CTNNA3: variants seen among roughly 807,000 people sequenced by gnomAD.
CTNNA3 encodes the protein catenin alpha-3.
A neutral mutation model predicts 95.7 loss-of-function variants in CTNNA3; 76 were observed. The ratio of observed to expected loss-of-function variants is 0.79; its 90% CI spans 0.66 to 0.96. CTNNA3 has a LOEUF of 0.96. Ranked by LOEUF, CTNNA3 falls within the 40% of genes least tolerant of loss-of-function variation. CTNNA3 has a pLI of 0.00. For missense variants in CTNNA3, 1,191 were observed against 1,089.8 expected, an observed-to-expected ratio of 1.09 and a Z score of -1.31; for synonymous variants, 431 against 374.4, an observed-to-expected ratio of 1.15 and a Z score of -1.74.
Position 65,939,107 on chromosome 10 carries a change from G to A in CTNNA3, c.2401-18490C>T, listed in dbSNP as rs200295744. 6.9e-4 allele frequency among the ~76,000 whole-genome samples: 105 copies of A among 152,026 alleles called. 1 individual carries two copies. The highest frequency in any genetic ancestry group is 3.3e-3 in the East Asian group (17 of 5,110). On this transcript the variant is annotated intron_variant, in intron 17 of 17. Coordinates refer to ENST00000433211, the MANE Select transcript of CTNNA3 (RefSeq NM_013266.4). ...TTTGTAGTAGAGACGGGGTTTCATCGTGTTAGCCAGGATGGTCTCCATCTC... is the reference window on the plus strand; with the variant it reads ...TTTGTAGTAGAGACGGGGTTTCATCATGTTAGCCAGGATGGTCTCCATCTC...
At chr10:66,922,770 T>C (rs1416867568) in intron 7 of CTNNA3, among the ~76,000 whole-genome samples, 2 of 152,222 alleles carry the variant, frequency 1.3e-5, no homozygotes, top group African/African-American at 4.8e-5. Flanking sequence ...ATTTTTGTTG[T>C]AGCACATCAT....
At chr10:66,015,874 A>T (rs537593010) in intron 15 of CTNNA3, among the ~76,000 whole-genome samples, 1 of 152,308 alleles carries the variant, frequency 6.6e-6, no homozygotes, top group African/African-American at 2.4e-5. Context: ...GTTAGATATG[A>T]AATTATATGT....
intron 3 of CTNNA3, among the ~76,000 whole-genome samples, chr10:67,592,653 A>G (rs1225583206): frequency 6.6e-6 from 1 of 152,210 alleles, no homozygotes; most frequent in East Asian, 1.9e-4. Flanking sequence ...AAAGAAAAAA[A>G]GAACTGATTT....
Position 67,018,164 on chromosome 10 carries a change from TTGGTAG to T in CTNNA3, c.1047+162147_1047+162152del, listed in dbSNP as rs548206558. 1.1e-4 allele frequency among the ~76,000 whole-genome samples: 16 copies of T among 152,304 alleles called. No individual in the cohort carries two copies. In the East Asian group the frequency reaches 3.1e-3, roughly 29 times the overall value. ...TACAGTAGGGCCAAGACTTTGTATT[TTGGTAG>T]TGATTCACTCACTATAAATATGTAC... On this transcript the variant is annotated intron_variant, in intron 7 of 17. Transcript: ENST00000433211.
intron 2 of CTNNA3, among the ~76,000 whole-genome samples, chr10:67,614,606 C>T (rs1401965305): frequency 2.0e-5 from 3 of 152,136 alleles, no homozygotes; most frequent in Non-Finnish European, 2.9e-5. Flanking sequence ...GTAATGCAAG[C>T]GATGGGGGTT....
At chr10:66,383,593 G>A (rs1459611079) in intron 11 of CTNNA3, among the ~76,000 whole-genome samples, 3 of 152,060 alleles carry the variant, frequency 2.0e-5, no homozygotes, top group Non-Finnish European at 4.4e-5. Flanking sequence ...GAAATACAGA[G>A]AACACCACAA....
At chr10:66,704,865 C>G (rs1266763494) in intron 9 of CTNNA3, among the ~76,000 whole-genome samples, 1 of 152,150 alleles carries the variant, frequency 6.6e-6, no homozygotes, top group Admixed American at 6.6e-5. Flanking sequence ...CCTTTCCAAT[C>G]TGGATGTCAT....
chr10:67,498,497 G>A (rs577698642), intron 5 of CTNNA3, among the ~76,000 whole-genome samples: 3 of 151,684 alleles, frequency 2.0e-5, no homozygotes, highest in Non-Finnish European at 2.9e-5. Flanking sequence ...TGATGGGGAT[G>A]GCATTGAATC....
intron 12 of CTNNA3, among the ~76,000 whole-genome samples, chr10:66,293,005 T>C (rs996276880): frequency 1.3e-5 from 2 of 152,190 alleles, no homozygotes; most frequent in African/African-American, 2.4e-5. Flanking sequence ...GTTTTTCTTT[T>C]ACTGCAGGAA....
chr10:67,552,252 TTA>T (rs747644964), intron 3 of CTNNA3, among the ~76,000 whole-genome samples: 4 of 152,226 alleles, frequency 2.6e-5, no homozygotes, highest in African/African-American at 7.2e-5. Flanking sequence ...ATTCCTTATT[TTA>T]TAGTTTCTTA....
chr10:67,041,366 A>T (rs1854384814), intron 7 of CTNNA3, among the ~76,000 whole-genome samples: 1 of 152,122 alleles, frequency 6.6e-6, no homozygotes, highest in South Asian at 2.1e-4. Context: ...TAAATAATAG[A>T]GGTTACTTAG....
At position 66,197,513 on chromosome 10, in the gene CTNNA3, A is replaced by G. The variant is rs1053977239; in HGVS notation, c.1884+82957T>C. The stretch of plus-strand genomic sequence containing the variant: ...ATCATAACTAACCTCTAATTATTCA[A>G]TTATACCTTCATTTATCCAACAAGA... On this transcript the variant is annotated intron_variant, in intron 13 of 17. Coordinates refer to ENST00000433211, the MANE Select transcript of CTNNA3 (RefSeq NM_013266.4). Among the ~76,000 whole-genome samples the G allele has an allele frequency of 3.9e-5, 6 of 152,186 alleles. No individual in the cohort carries two copies. The East Asian group carries it at 1.2e-3, about 29-fold the overall frequency.
rs1208591290 is a variant in CTNNA3 at position 66,392,700 on chromosome 10, A to G, written c.1532-13348T>C. 5.3e-5 allele frequency among the ~76,000 whole-genome samples: 8 copies of G among 152,228 alleles called. No homozygotes were observed. In the East Asian group the frequency reaches 1.6e-3, roughly 30 times the overall value. ...AAACAACACATGGCCCATCTATTAG[A>G]ATGACTAAAATTTAAAACACTGATA... On this transcript the variant is annotated intron_variant, in intron 11 of 17. Coordinates refer to ENST00000433211, the MANE Select transcript of CTNNA3 (RefSeq NM_013266.4).
At chr10:67,643,016 G>C (rs1839589074) in intron 2 of CTNNA3, among the ~76,000 whole-genome samples, 1 of 151,984 alleles carries the variant, frequency 6.6e-6, no homozygotes, top group African/African-American at 2.4e-5. Flanking sequence ...AAAGATACAT[G>C]CACATGCATG....
chr10:65,944,881 T>TATC, intron 17 of CTNNA3, among the ~76,000 whole-genome samples: 1 of 149,030 alleles, frequency 6.7e-6, no homozygotes, highest in East Asian at 2.0e-4. Flanking sequence ...TCTATCTATC[T>TATC]ATCTATCTAT....
In CTNNA3 at chr10:67,296,934, C is replaced by CAAAAAAAAAAAAAAAAA. The variant is rs1210482029; in HGVS notation, c.580-77081_580-77065dup. Among the ~76,000 whole-genome samples, 27 of 17,660 alleles carry CAAAAAAAAAAAAAAAAA rather than the reference C, an allele frequency of 1.5e-3. 2 individuals carry two copies. The highest frequency in any genetic ancestry group is 0.025 in the Middle Eastern group (1 of 40). The allele number at this position is 17,660 out of a possible 152,430, so 11.6% of individuals were successfully genotyped here. A position where few individuals can be genotyped will look rare whatever the true frequency, so the allele number is the denominator to read the frequency against. On this transcript the variant is annotated intron_variant, in intron 5 of 17. Coordinates refer to ENST00000433211, the MANE Select transcript of CTNNA3 (RefSeq NM_013266.4). ...GGGCAACAAGAATGAAACGCTGTCTCAAAAAAAAAAAAAAAAAAAAAAAAA... is the reference window on the plus strand; with the variant it reads ...GGGCAACAAGAATGAAACGCTGTCTCAAAAAAAAAAAAAAAAAAAAAAAAAAAAAAAAAAAAAAAAAA...
chr10:66,079,850 C>T (rs1339354235), intron 14 of CTNNA3, among the ~76,000 whole-genome samples: 1 of 151,988 alleles, frequency 6.6e-6, no homozygotes, highest in Non-Finnish European at 1.5e-5. Context: ...TTATTAACAA[C>T]TGAATATAGA....
chr10:66,298,580 G>C (rs1328819089), intron 12 of CTNNA3, among the ~76,000 whole-genome samples: 1 of 152,026 alleles, frequency 6.6e-6, no homozygotes, highest in Non-Finnish European at 1.5e-5. Context: ...TTCCAGCCCT[G>C]AATTTTCTCT....
At chr10:67,758,634 TA>T (rs1841446749) in intron 1 of CTNNA3, among the ~76,000 whole-genome samples, 1 of 152,086 alleles carries the variant, frequency 6.6e-6, no homozygotes. Context: ...GTTGCCTTTA[TA>T]AAAACCGCAC....
Sources: allele counts gnomAD v4.1 joint callset (sites outside exome capture counted in the v4.1 genomes callset), GRCh38; gene constraint gnomAD v4.1.1; transcripts MANE v1.5; gene names NCBI Gene and HGNC (gene_info 2026-07-23, HGNC 2026-07-21).